TMEM117: variants seen among roughly 807,000 people sequenced by gnomAD.
The protein encoded by TMEM117 is transmembrane protein 117.
In TMEM117, 27 loss-of-function variants were observed where a neutral mutation model predicts 52.4. The ratio of observed to expected loss-of-function variants is 0.51; its 90% CI spans 0.38 to 0.71. The LOEUF (loss-of-function observed/expected upper bound fraction) is 0.71. Among genes scored for constraint, TMEM117 ranks in the 30% least tolerant of loss-of-function variants. TMEM117 has a pLI of 0.00. For synonymous variants in TMEM117, 215 were observed against 206.3 expected (o/e 1.04, Z -0.36); for missense variants, 556 against 630.5 (o/e 0.88, Z 1.26).
intron 3 of TMEM117, among the ~76,000 whole-genome samples, chr12:43,986,249 T>C (rs1945845118): frequency 6.6e-6 from 1 of 152,180 alleles, no homozygotes; most frequent in South Asian, 2.1e-4. Context: ...ATTACAGAAA[T>C]TTTTGAAAAT....
intron 7 of TMEM117, among the ~76,000 whole-genome samples, chr12:44,377,424 G>T (rs74085152): frequency 6.6e-6 from 1 of 152,050 alleles, no homozygotes; most frequent in African/African-American, 2.4e-5. Flanking sequence ...CTACTTCTGT[G>T]GCAAAGCTCA....
chr12:44,157,464 T>A (rs889262383), intron 4 of TMEM117, among the ~76,000 whole-genome samples: 19 of 152,144 alleles, frequency 1.2e-4, no homozygotes, highest in Admixed American at 1.2e-3. Flanking sequence ...GAATGAAGAC[T>A]TTTTACTAAT....
At chr12:44,082,183 C>T (rs919680656) in intron 3 of TMEM117, among the ~76,000 whole-genome samples, 1 of 151,744 alleles carries the variant, frequency 6.6e-6, no homozygotes, top group African/African-American at 2.4e-5. Flanking sequence ...CAAAATTGTA[C>T]CCATGTTATT....
intron 3 of TMEM117, among the ~76,000 whole-genome samples, chr12:43,968,925 G>T (rs573286800): frequency 6.6e-6 from 1 of 152,244 alleles, no homozygotes; most frequent in South Asian, 2.1e-4. Context: ...TATGAGCTTT[G>T]TGTGACACGC....
intron 5 of TMEM117, among the ~76,000 whole-genome samples, chr12:44,267,828 G>T (rs1950397555): frequency 6.6e-6 from 1 of 152,160 alleles, no homozygotes; most frequent in Non-Finnish European, 1.5e-5. Flanking sequence ...AGAAGGAAAT[G>T]CTGTGATTTT....
At chr12:43,848,861 C>T (rs113959536) in intron 2 of TMEM117, among the ~76,000 whole-genome samples, 2,046 of 152,262 alleles carry the variant, frequency 0.013, 56 homozygotes, top group African/African-American at 0.046. Flanking sequence ...TCCCTCTGTT[C>T]GGAGTCCCTG....
At chr12:44,394,261 A>G (rs1848264826), downstream of TMEM117, among the ~76,000 whole-genome samples, 1 of 152,234 alleles carries the variant, frequency 6.6e-6, no homozygotes, top group South Asian at 2.1e-4. Context: ...GGTTTCGAAG[A>G]GGACCAAAGA....
At chr12:44,178,484 G>GA (rs1565861842) in intron 4 of TMEM117, among the ~76,000 whole-genome samples, 1 of 152,120 alleles carries the variant, frequency 6.6e-6, no homozygotes, top group East Asian at 1.9e-4. Flanking sequence ...TTGATATGCA[G>GA]AACTGTATAT....
intron 4 of TMEM117, among the ~76,000 whole-genome samples, chr12:44,171,294 C>T (rs188222279): frequency 1.3e-5 from 2 of 152,120 alleles, no homozygotes; most frequent in African/African-American, 2.4e-5. Context: ...GGATTACAGG[C>T]GTGAGCCACC....
chr12:44,102,042 C>A (rs1423215677), intron 3 of TMEM117, among the ~76,000 whole-genome samples: 1 of 151,716 alleles, frequency 6.6e-6, no homozygotes, highest in Non-Finnish European at 1.5e-5. Context: ...GTGGAGGATA[C>A]TCAGGAAACC....
At chr12:44,287,288 C>A (rs1335745371) in intron 5 of TMEM117, among the ~76,000 whole-genome samples, 1 of 152,122 alleles carries the variant, frequency 6.6e-6, no homozygotes, top group Non-Finnish European at 1.5e-5. Context: ...TGACTAGAGG[C>A]CAGAAACCAG....
At chr12:44,070,822 CT>C (rs1364061971) in intron 3 of TMEM117, among the ~76,000 whole-genome samples, 2 of 152,146 alleles carry the variant, frequency 1.3e-5, no homozygotes, top group Admixed American at 6.5e-5. Context: ...GAGAAGCCAC[CT>C]GGTCTCTGCA....
chr12:44,196,686 C>T (rs1366746369), intron 4 of TMEM117, among the ~76,000 whole-genome samples: 1 of 152,172 alleles, frequency 6.6e-6, no homozygotes, highest in African/African-American at 2.4e-5. Context: ...CAAAGGTACA[C>T]ATTTAGGTCG....
At chr12:44,064,251 T>C (rs534575612) in intron 3 of TMEM117, among the ~76,000 whole-genome samples, 2 of 152,360 alleles carry the variant, frequency 1.3e-5, no homozygotes, top group Non-Finnish European at 2.9e-5. Flanking sequence ...ACATTATTTC[T>C]ATTTTGTTTT....
intron 2 of TMEM117, among the ~76,000 whole-genome samples, chr12:43,883,890 A>G (rs1943942805): frequency 6.6e-6 from 1 of 152,122 alleles, no homozygotes; most frequent in South Asian, 2.1e-4. Flanking sequence ...TAATCTCAAC[A>G]CTTTGGGAGG....
intron 3 of TMEM117, among the ~76,000 whole-genome samples, chr12:43,973,173 T>G (rs1302441817): frequency 1.3e-5 from 2 of 151,874 alleles, no homozygotes; most frequent in Non-Finnish European, 2.9e-5. Context: ...TGAAAACAGG[T>G]TTTTTCCCAA....
intron 3 of TMEM117, among the ~76,000 whole-genome samples, chr12:44,069,623 G>A (rs1242122089): frequency 2.0e-5 from 3 of 152,176 alleles, no homozygotes; most frequent in Non-Finnish European, 4.4e-5. Flanking sequence ...AAGGCTGACA[G>A]TACCCTGTGT....
chr12:43,929,442 A>AT (rs1029643236), intron 2 of TMEM117, among the ~76,000 whole-genome samples: 1 of 152,164 alleles, frequency 6.6e-6, no homozygotes, highest in African/African-American at 2.4e-5. Flanking sequence ...CAAGAACCTT[A>AT]TAGCACTTAA....
intron 4 of TMEM117, among the ~76,000 whole-genome samples, chr12:44,145,281 ACATTAATTATG>A (rs1365207586): frequency 2.0e-5 from 3 of 152,234 alleles, no homozygotes; most frequent in African/African-American, 7.2e-5. Context: ...AAATTTTTTG[ACATTAATTATG>A]CATTGTGATT....
Sources: gnomAD v4.1 joint callset for allele counts (sites outside exome capture counted in the v4.1 genomes callset) on GRCh38, gnomAD v4.1.1 for gene constraint, MANE v1.5 for transcripts, NCBI Gene and HGNC (gene_info 2026-07-23, HGNC 2026-07-21) for gene names.